RPTOR: variants seen among roughly 807,000 people sequenced by gnomAD.
RPTOR encodes the protein regulatory associated protein of MTOR complex 1.
RPTOR carries 21 observed loss-of-function variants against 169.9 expected under a neutral mutation model. The observed-to-expected ratio is 0.12, with a 90% confidence interval of 0.09 to 0.18. The LOEUF (loss-of-function observed/expected upper bound fraction) is 0.18. Ranked by LOEUF, RPTOR falls within the 10% of genes least tolerant of loss-of-function variation. The probability of loss-of-function intolerance (pLI) is 1.00; values close to 1 mark genes in which losing one functional copy is unlikely to be tolerated. For missense variants in RPTOR, 1,133 were observed against 1,855.9 expected (o/e 0.61, Z 7.16); for synonymous variants, 732 against 753.2 (o/e 0.97, Z 0.46).
chr17:80,962,916 C>T lies in RPTOR; in HGVS notation c.3810-12C>T, dbSNP rs1389828383. On this transcript the variant is annotated splice_polypyrimidine_tract_variant and intron_variant, in intron 32 of 33. Coordinates refer to ENST00000306801, the MANE Select transcript of RPTOR (RefSeq NM_020761.3). ...GAGGGCAGTGATGCCGGGACCCTTT[C>T]TCTCCCCACAGTGGCTCCGTCAATC... 3.1e-6 allele frequency: 5 copies of T among 1,613,294 alleles called. No individual in the cohort carries two copies. Among genetic ancestry groups the T allele is most frequent in the Non-Finnish European group, 4.2e-6 (5 of 1,179,870 alleles).
chr17:80,882,174 C>T (rs1043157533), intron 14 of RPTOR, among the ~76,000 whole-genome samples: 4 of 152,112 alleles, frequency 2.6e-5, no homozygotes, highest in South Asian at 4.2e-4. Context: ...GGCTAAGAGC[C>T]GGGCTGGGAA....
intron 17 of RPTOR, among the ~76,000 whole-genome samples, chr17:80,887,102 A>G (rs1311415495): frequency 6.6e-6 from 1 of 151,864 alleles, no homozygotes. Flanking sequence ...TGGCAGGGTG[A>G]TGTCTGGAGG....
At chr17:80,813,526 T>C (rs1400116186) in intron 7 of RPTOR, among the ~76,000 whole-genome samples, 1 of 152,226 alleles carries the variant, frequency 6.6e-6, no homozygotes, top group Non-Finnish European at 1.5e-5. Context: ...TTGCTTTCAG[T>C]AACTCTCCTG....
chr17:80,912,992 TTGTG>T (rs143108803), intron 21 of RPTOR, among the ~76,000 whole-genome samples: 1 of 151,946 alleles, frequency 6.6e-6, no homozygotes, highest in Admixed American at 6.6e-5. Context: ...CAGCATGAGC[TTGTG>T]TGTGTGTGTC....
intron 9 of RPTOR, among the ~76,000 whole-genome samples, chr17:80,829,577 C>T (rs556283649): frequency 6.6e-6 from 1 of 152,350 alleles, no homozygotes; most frequent in Admixed American, 6.5e-5. Context: ...GGGCCATGAA[C>T]CCCTAGGGAC....
intron 1 of RPTOR, among the ~76,000 whole-genome samples, chr17:80,615,670 T>C (rs2065304198): frequency 1.3e-5 from 2 of 152,180 alleles, no homozygotes; most frequent in South Asian, 4.1e-4. Flanking sequence ...GAGATTTCTT[T>C]CTTCCTTGTC....
At chr17:80,600,587 G>A (rs9902390) in intron 1 of RPTOR, among the ~76,000 whole-genome samples, 53,452 of 151,946 alleles carry the variant, frequency 0.35, 9,774 homozygotes, top group African/African-American at 0.45. Flanking sequence ...GTGTGTCTGG[G>A]TCAGCTCTTT....
At chr17:80,547,032 G>A (rs2084285101) in intron 1 of RPTOR, among the ~76,000 whole-genome samples, 1 of 151,734 alleles carries the variant, frequency 6.6e-6, no homozygotes, top group South Asian at 2.1e-4. Flanking sequence ...TCGCACCATT[G>A]CACTCCAGCC....
rs967134929 is a variant in RPTOR at position 80,878,874 on chromosome 17, G to A, written c.1510-1541G>A. Among the ~76,000 whole-genome samples, 13 of 152,090 alleles carry A rather than the reference G, an allele frequency of 8.5e-5. No individual in the cohort carries two copies. The highest frequency in any genetic ancestry group is 4.1e-4 in the South Asian group (2 of 4,824). ...AGTTAGGCAGCCTGGTGTGGCTTCC[G>A]GTAACACTGCCAGCCTCAGAGCCGG... On this transcript the variant is annotated intron_variant, in intron 13 of 33. Coordinates refer to ENST00000306801, the MANE Select transcript of RPTOR (RefSeq NM_020761.3). This position sits in a 1 kb window ranked among gnomAD's most constrained non-coding sequence, Gnocchi z 4.1.
chr17:80,930,194 TGCCCAG>T (rs2068862611), intron 24 of RPTOR, among the ~76,000 whole-genome samples: 1 of 106,210 alleles, frequency 9.4e-6, no homozygotes, highest in African/African-American at 3.6e-5. Context: ...CCCCAGCTCA[TGCCCAG>T]CTCATCCCCA....
intron 4 of RPTOR, among the ~76,000 whole-genome samples, chr17:80,717,202 T>A (rs1441398036): frequency 6.6e-6 from 1 of 152,224 alleles, no homozygotes; most frequent in African/African-American, 2.4e-5. Context: ...ACCCCTCTCC[T>A]TGACTCTTTA....
chr17:80,763,872 A>AT (rs899417687), intron 6 of RPTOR, among the ~76,000 whole-genome samples: 86 of 151,364 alleles, frequency 5.7e-4, no homozygotes, highest in African/African-American at 1.2e-3. Context: ...TATATTTTTT[A>AT]TTTTTTTTTA....
chr17:80,841,157 G>GGCAGCTCACACTCACCGCACA (rs1555625600), intron 10 of RPTOR, among the ~76,000 whole-genome samples: 1 of 62,384 alleles, frequency 1.6e-5, no homozygotes, highest in Non-Finnish European at 3.3e-5. Context: ...CTCACCGCAC[G>GGCAGCTCACACTCACCGCACA]GCAGCTCACT....
intron 20 of RPTOR, among the ~76,000 whole-genome samples, chr17:80,903,215 G>A (rs963910674): frequency 1.3e-5 from 2 of 152,244 alleles, no homozygotes; most frequent in African/African-American, 2.4e-5. Flanking sequence ...GGAGCTGGGG[G>A]CCCTGGCCAG....
At chr17:80,782,389 TTTTTTA>T (rs2066950081) in intron 6 of RPTOR, among the ~76,000 whole-genome samples, 1 of 152,154 alleles carries the variant, frequency 6.6e-6, no homozygotes, top group African/African-American at 2.4e-5. Flanking sequence ...ATTTATTTAT[TTTTTTA>T]TTTTTATTTT....
At chr17:80,889,668 G>A (rs1485034994) in intron 17 of RPTOR, among the ~76,000 whole-genome samples, 3 of 152,216 alleles carry the variant, frequency 2.0e-5, no homozygotes, top group South Asian at 2.1e-4. Flanking sequence ...AGGCCAGTGC[G>A]TGTGTGTGTT....
intron 1 of RPTOR, among the ~76,000 whole-genome samples, chr17:80,554,479 C>A (rs1013637921): frequency 3.8e-4 from 58 of 152,142 alleles, no homozygotes; most frequent in African/African-American, 1.4e-3. Context: ...TGCGGTGGCT[C>A]ACACCTGTAA....
chr17:80,897,441 A>G (rs548064372), intron 20 of RPTOR, among the ~76,000 whole-genome samples: 1 of 152,310 alleles, frequency 6.6e-6, no homozygotes, highest in Admixed American at 6.5e-5. Flanking sequence ...TATTCTAGTT[A>G]GTTAAGAATT....
chr17:80,775,407 G>A (rs924817973), intron 6 of RPTOR, among the ~76,000 whole-genome samples: 7 of 152,104 alleles, frequency 4.6e-5, no homozygotes, highest in Admixed American at 4.6e-4. Context: ...CCCATACCCA[G>A]CCAGTCTTCT....
Sources: gnomAD v4.1 joint callset for allele counts (sites outside exome capture counted in the v4.1 genomes callset) on GRCh38, gnomAD v4.1.1 for gene constraint, Gnocchi (gnomAD v3.1) non-coding constraint, MANE v1.5 for transcripts, NCBI Gene and HGNC (gene_info 2026-07-23, HGNC 2026-07-21) for gene names.